Variants in EPS8 observed in about 807,000 individuals in gnomAD.
EPS8 encodes the protein EGFR pathway substrate 8, signaling adaptor.
EPS8 carries 42 observed loss-of-function variants against 103.8 expected under a neutral mutation model. The ratio of observed to expected loss-of-function variants is 0.40; its 90% CI spans 0.32 to 0.52. The LOEUF is 0.52. Ranked by LOEUF, EPS8 falls within the 20% of genes least tolerant of loss-of-function variation. The pLI, the probability that EPS8 is intolerant of heterozygous loss-of-function variation, is 0.40. For synonymous variants in EPS8, 344 were observed against 344.6 expected, an observed-to-expected ratio of 1.00 and a Z score of 0.02; for missense variants, 969 against 1,005.1, an observed-to-expected ratio of 0.96 and a Z score of 0.49.
At chr12:15,627,411 G>A (rs1472815052) in intron 18 of EPS8, among the ~76,000 whole-genome samples, 1 of 152,072 alleles carries the variant, frequency 6.6e-6, no homozygotes, top group Non-Finnish European at 1.5e-5. Context: ...GTGGAACGGT[G>A]CTTTAATTCA....
At chr12:15,659,253 A>C (rs1664381162) in intron 10 of EPS8, among the ~76,000 whole-genome samples, 1 of 152,162 alleles carries the variant, frequency 6.6e-6, no homozygotes, top group Non-Finnish European at 1.5e-5. Context: ...AGCGTGCTTT[A>C]CAGCAGAAGA....
chr12:15,738,959 T>C lies in EPS8; in HGVS notation c.-22+50202A>G, dbSNP rs1432641787. Among the ~76,000 whole-genome samples the C allele has an allele frequency of 6.6e-6, 1 of 152,222 alleles. No individual in the cohort carries two copies. Among genetic ancestry groups the C allele is most frequent in the African/African-American group, 2.4e-5 (1 of 41,456 alleles). ...TTCATTTGGTCTTATTCTGACCCCT[T>C]AGTCCATGCAGGCATGTCTATGCAG... is the stretch of plus-strand genomic sequence containing the variant. On this transcript the variant is annotated intron_variant, in intron 1 of 20. Transcript: ENST00000281172. This position sits in a 1 kb window ranked among gnomAD's most constrained non-coding sequence, Gnocchi z 6.2.
At position 15,721,178 on chromosome 12, in the gene EPS8, C is replaced by G. The variant is rs931604572; in HGVS notation, c.-21-38206G>C. 3.9e-5 allele frequency among the ~76,000 whole-genome samples: 6 copies of G among 152,104 alleles called. No homozygotes were observed. Among genetic ancestry groups the G allele is most frequent in the African/African-American group, 1.4e-4 (6 of 41,410 alleles). The stretch of plus-strand genomic sequence containing the variant: ...ACATATACTCAGAGTGAAAAGAAAG[C>G]AAGAAAATACTATAACACAAATACC... On this transcript the variant is annotated intron_variant, in intron 1 of 20. Transcript: ENST00000281172. This position sits in a 1 kb window ranked among gnomAD's most constrained non-coding sequence, Gnocchi z 4.4.
chr12:15,703,016 G>C (rs1023348150), intron 1 of EPS8, among the ~76,000 whole-genome samples: 1 of 152,178 alleles, frequency 6.6e-6, no homozygotes, highest in Admixed American at 6.5e-5. Flanking sequence ...GGGTGCAGTG[G>C]CGTGTGCCTG....
intron 1 of EPS8, among the ~76,000 whole-genome samples, chr12:15,768,319 T>C (rs1394376981): frequency 1.4e-5 from 2 of 144,204 alleles, no homozygotes; most frequent in Non-Finnish European, 3.0e-5. Flanking sequence ...GCACCTGTAA[T>C]CCCAGCTACT....
intron 1 of EPS8, among the ~76,000 whole-genome samples, chr12:15,786,254 G>C (rs2136061325): frequency 6.6e-6 from 1 of 152,130 alleles, no homozygotes; most frequent in South Asian, 2.1e-4. Flanking sequence ...TTACCTCTGT[G>C]ATCTTTCTAC....
At chr12:15,758,720 T>G (rs903142829) in intron 1 of EPS8, among the ~76,000 whole-genome samples, 1 of 152,226 alleles carries the variant, frequency 6.6e-6, no homozygotes, top group Non-Finnish European at 1.5e-5. Flanking sequence ...GAAAATAGAC[T>G]GTATAGCTGA....
chr12:15,705,928 A>C (rs1946380417), intron 1 of EPS8, among the ~76,000 whole-genome samples: 1 of 151,806 alleles, frequency 6.6e-6, no homozygotes, highest in Non-Finnish European at 1.5e-5. Flanking sequence ...ACTAAAGTTT[A>C]AGCTTATGTA....
intron 3 of EPS8, among the ~76,000 whole-genome samples, chr12:15,677,663 T>A (rs1414349569): frequency 6.6e-6 from 1 of 152,220 alleles, no homozygotes; most frequent in African/African-American, 2.4e-5. Flanking sequence ...AATTATATCA[T>A]AAATCTCTTC....
At chr12:15,746,583 T>C (rs1946877581) in intron 1 of EPS8, among the ~76,000 whole-genome samples, 1 of 152,070 alleles carries the variant, frequency 6.6e-6, no homozygotes, top group Admixed American at 6.6e-5. Flanking sequence ...TTTGCTTTCC[T>C]CTCTCCCAGA....
At position 15,688,173 on chromosome 12, in the gene EPS8, GC is replaced by G. The variant is rs1290775208; in HGVS notation, c.-21-5202del. Among the ~76,000 whole-genome samples the G allele has an allele frequency of 1.3e-5, 2 of 152,140 alleles. No homozygotes were observed. The highest frequency in any genetic ancestry group is 2.9e-5 in the Non-Finnish European group (2 of 68,020). ...GAAAGGGAAAGAAAACATTTAATGA[GC>G]CCCCAGTTCATAAGACATTTTACAA... is the stretch of plus-strand genomic sequence containing the variant. On this transcript the variant is annotated intron_variant, in intron 1 of 20. Transcript: ENST00000281172. This position sits in a 1 kb window ranked among gnomAD's most constrained non-coding sequence, Gnocchi z 5.1.
Position 15,704,260 on chromosome 12 carries a change from T to C in EPS8, c.-21-21288A>G, listed in dbSNP as rs1231995872. On this transcript the variant is annotated intron_variant, in intron 1 of 20. Transcript: ENST00000281172. This position sits in a 1 kb window ranked among gnomAD's most constrained non-coding sequence, Gnocchi z 4.6. ...ACCCAAAAGAACTGAAAGTAGAGAC[T>C]AGATATTTGTACACCCATGCTCATA... Among the ~76,000 whole-genome samples, 1 of 152,154 alleles carries C rather than the reference T, an allele frequency of 6.6e-6. No homozygotes were observed. Among genetic ancestry groups the C allele is most frequent in the African/African-American group, 2.4e-5 (1 of 41,442 alleles).
At chr12:15,744,567 A>T (rs1946856982) in intron 1 of EPS8, among the ~76,000 whole-genome samples, 1 of 152,214 alleles carries the variant, frequency 6.6e-6, no homozygotes, top group Non-Finnish European at 1.5e-5. Flanking sequence ...TTACATATTT[A>T]ATAATTTGAT....
In EPS8 at chr12:15,762,303, T is replaced by C. The variant is rs1947050067; in HGVS notation, c.-22+26858A>G. 6.6e-6 allele frequency among the ~76,000 whole-genome samples: 1 copy of C among 152,156 alleles called. No homozygotes were observed. The highest frequency in any genetic ancestry group is 2.4e-5 in the African/African-American group (1 of 41,442). ...ACAATAACAAATGCCGACAAGGATGTAGAGAAAAGGGAACCCTCATACACT... is the reference window on the plus strand; with the variant it reads ...ACAATAACAAATGCCGACAAGGATGCAGAGAAAAGGGAACCCTCATACACT... On this transcript the variant is annotated intron_variant, in intron 1 of 20. Coordinates refer to ENST00000281172, the MANE Select transcript of EPS8 (RefSeq NM_004447.6). This position sits in a 1 kb window ranked among gnomAD's most constrained non-coding sequence, Gnocchi z 4.8.
Position 15,751,935 on chromosome 12 carries a change from G to C in EPS8, c.-22+37226C>G, listed in dbSNP as rs912503540. Among the ~76,000 whole-genome samples the C allele has an allele frequency of 2.6e-5, 4 of 152,116 alleles. No individual in the cohort carries two copies. Among genetic ancestry groups the C allele is most frequent in the African/African-American group, 4.8e-5 (2 of 41,414 alleles). On this transcript the variant is annotated intron_variant, in intron 1 of 20. Transcript: ENST00000281172. This position sits in a 1 kb window ranked among gnomAD's most constrained non-coding sequence, Gnocchi z 4.3. ...GTGGGGGAGGTGGAGAGCCAGAAAAGTGTAGAAAATCAAGGAGGATTAAGA... is the reference window on the plus strand; with the variant it reads ...GTGGGGGAGGTGGAGAGCCAGAAAACTGTAGAAAATCAAGGAGGATTAAGA...
At chr12:15,672,269 CTT>C (rs1945830556) in intron 3 of EPS8, among the ~76,000 whole-genome samples, 1 of 152,136 alleles carries the variant, frequency 6.6e-6, no homozygotes, top group Admixed American at 6.5e-5. Context: ...TTTAAGAAAA[CTT>C]AATAAATTTT....
chr12:15,650,975 G>A lies in EPS8; in HGVS notation c.1282C>T (p.Pro428Ser). The stretch of plus-strand genomic sequence containing the variant: ...CCATTGCGGAATCGTGGAACATATG[G>A]TGGAATAAACTGTTCTTTTGGCCAC... ...AEWPKEQFIP[P>S]YVPRFRNGWE... The change falls in exon 14 of 21, where the codon CCA becomes TCA. Residue 428 changes from proline to serine, a missense_variant. Physicochemically the swap from Pro to Ser is moderately conservative, Grantham distance 74 (BLOSUM62 -1). Coordinates refer to ENST00000281172, the MANE Select transcript of EPS8 (RefSeq NM_004447.6). The A allele has an allele frequency of 1.2e-6, 2 of 1,614,056 alleles. No homozygotes were observed. Among genetic ancestry groups the A allele is most frequent in the Middle Eastern group, 1.6e-4 (1 of 6,062 alleles).
rs375953234 is a variant in EPS8, at chr12:15,641,758, G to C, written c.1641C>G (p.Asn547Lys). Residue 547 changes from asparagine to lysine, a missense_variant, in exon 16 of 21, where the codon AAC (asparagine) becomes AAG (lysine). By Grantham distance (94) the Asn-to-Lys change is moderately conservative. Coordinates refer to ENST00000281172, the MANE Select transcript of EPS8 (RefSeq NM_004447.6). The part of the protein sequence containing the change: ...KSKYDFVARN[N>K]SELSVLKDDI... ...CATCCTTTAGAACCGAGAGCTCACT[G>C]TTGTTCCTTGCTACAAAGTCATACT... is the stretch of plus-strand genomic sequence containing the variant. The C allele has an allele frequency of 6.3e-7, 1 of 1,599,254 alleles. No homozygotes were observed. The highest frequency in any genetic ancestry group is 8.5e-7 in the Non-Finnish European group (1 of 1,171,084).
chr12:15,629,202 T>A (rs757966766), intron 18 of EPS8, among the ~76,000 whole-genome samples: 1 of 152,198 alleles, frequency 6.6e-6, no homozygotes, highest in Non-Finnish European at 1.5e-5. Context: ...GAGTTCTCTA[T>A]CTTTAAAAGT....
Sources: allele counts gnomAD v4.1 joint callset (sites outside exome capture counted in the v4.1 genomes callset), GRCh38; gene constraint gnomAD v4.1.1; non-coding constraint Gnocchi (gnomAD v3.1); transcripts MANE v1.5; gene names NCBI Gene and HGNC (gene_info 2026-07-23, HGNC 2026-07-21).